The following SGMS1 variants were observed in gnomAD, a reference collection of about 807,000 sequenced individuals.
SGMS1 encodes phosphatidylcholine:ceramide cholinephosphotransferase 1.
Under a neutral mutation model 46.2 loss-of-function variants are expected in SGMS1, and 13 were observed. The observed-to-expected ratio is 0.28, with a 90% CI of 0.18 to 0.45. SGMS1 has a LOEUF of 0.45. SGMS1 is among the 20% of genes least tolerant of loss of function. The pLI is 1.00. For synonymous variants in SGMS1, 203 were observed against 187.8 expected (o/e 1.08, Z -0.66); for missense variants, 324 against 519.9 (o/e 0.62, Z 3.66).
chr10:50,533,351 C>T (rs1177628916), intron 2 of SGMS1, among the ~76,000 whole-genome samples: 2 of 152,046 alleles, frequency 1.3e-5, no homozygotes, highest in African/African-American at 4.8e-5. Flanking sequence ...ATTCAAAATA[C>T]TGTTAAGATG....
At chr10:50,352,976 C>A (rs1031555130) in intron 6 of SGMS1, among the ~76,000 whole-genome samples, 2 of 151,868 alleles carry the variant, frequency 1.3e-5, no homozygotes, top group Non-Finnish European at 2.9e-5. Flanking sequence ...AGTCCAGGAC[C>A]AGATGGATTC....
chr10:50,530,926 C>A (rs554139796), intron 2 of SGMS1, among the ~76,000 whole-genome samples: 10 of 152,158 alleles, frequency 6.6e-5, no homozygotes, highest in African/African-American at 2.2e-4. Context: ...GAAATAAACA[C>A]CTTTTTCTTA....
At chr10:50,498,492 T>C (rs1435593954) in intron 3 of SGMS1, among the ~76,000 whole-genome samples, 6 of 152,318 alleles carry the variant, frequency 3.9e-5, no homozygotes, top group African/African-American at 1.4e-4. Flanking sequence ...TCTCAGCCCC[T>C]GGAAACCACC....
intron 6 of SGMS1, among the ~76,000 whole-genome samples, chr10:50,405,123 T>C (rs1848994888): frequency 6.6e-6 from 1 of 152,164 alleles, no homozygotes. Flanking sequence ...TTCTAAACTA[T>C]TTGATATCAT....
intron 3 of SGMS1, among the ~76,000 whole-genome samples, chr10:50,483,387 T>C (rs1041378791): frequency 3.3e-5 from 5 of 152,178 alleles, no homozygotes; most frequent in African/African-American, 1.2e-4. Flanking sequence ...GCCAGATTCA[T>C]AAAACAAGTT....
chr10:50,362,825 T>A (rs2133419896), intron 6 of SGMS1, among the ~76,000 whole-genome samples: 1 of 152,196 alleles, frequency 6.6e-6, no homozygotes, highest in Admixed American at 6.5e-5. Context: ...GATAGATGTG[T>A]TTAAAGAAGG....
intron 2 of SGMS1, among the ~76,000 whole-genome samples, chr10:50,561,409 C>G (rs1042667270): frequency 6.6e-6 from 1 of 152,210 alleles, no homozygotes; most frequent in East Asian, 1.9e-4. Flanking sequence ...AGAGCTCAGT[C>G]TCTTAATTAA....
chr10:50,555,692 T>C (rs569271274), intron 2 of SGMS1, among the ~76,000 whole-genome samples: 211 of 152,308 alleles, frequency 1.4e-3, no homozygotes, highest in Non-Finnish European at 1.9e-3. Flanking sequence ...CTCCCAAATA[T>C]AGAAAAATCT....
At chr10:50,340,233 A>G (rs575585398) in intron 7 of SGMS1, among the ~76,000 whole-genome samples, 1 of 152,350 alleles carries the variant, frequency 6.6e-6, no homozygotes, top group East Asian at 1.9e-4. Context: ...GGTGTTCACC[A>G]TGTCCCAGTA....
intron 1 of SGMS1, among the ~76,000 whole-genome samples, chr10:50,608,034 C>T (rs1422626243): frequency 1.3e-5 from 2 of 152,206 alleles, no homozygotes; most frequent in African/African-American, 4.8e-5. Context: ...AATCAAGTCC[C>T]TGTACCACAA....
At chr10:50,623,492 G>T in intron 1 of SGMS1, 1 of 845,634 alleles carries the variant, frequency 1.2e-6, no homozygotes, top group Non-Finnish European at 1.4e-6. Context: ...GATCCCGGCC[G>T]CCGGACCTCC....
intron 6 of SGMS1, among the ~76,000 whole-genome samples, chr10:50,368,513 T>A (rs1215878104): frequency 6.6e-6 from 1 of 152,216 alleles, no homozygotes; most frequent in Non-Finnish European, 1.5e-5. Context: ...CCTGCCATCA[T>A]GCCCAGCTAA....
chr10:50,520,616 T>C (rs1179544580), intron 2 of SGMS1, among the ~76,000 whole-genome samples: 1 of 152,166 alleles, frequency 6.6e-6, no homozygotes, highest in Admixed American at 6.5e-5. Context: ...CTACCAACCC[T>C]TGCTCCAAAC....
chr10:50,624,576 G>A (rs1184185435), upstream of SGMS1: 9 of 984,850 alleles, frequency 9.1e-6, no homozygotes, highest in Non-Finnish European at 1.1e-5. Flanking sequence ...CTCCGACTGC[G>A]TCAGAGCCGC....
chr10:50,587,146 G>A (rs1838491572), intron 2 of SGMS1, among the ~76,000 whole-genome samples: 1 of 152,060 alleles, frequency 6.6e-6, no homozygotes, highest in Admixed American at 6.6e-5. Flanking sequence ...ATGGAGCAAG[G>A]GTACAGTTGA....
intron 3 of SGMS1, among the ~76,000 whole-genome samples, chr10:50,478,750 T>C (rs568397553): frequency 2.8e-4 from 42 of 152,346 alleles, no homozygotes; most frequent in African/African-American, 1.0e-3. Flanking sequence ...TTTATTTTTG[T>C]ATTTTACAAA....
At chr10:50,329,064 T>C (rs914238139) in intron 7 of SGMS1, among the ~76,000 whole-genome samples, 1 of 152,196 alleles carries the variant, frequency 6.6e-6, no homozygotes, top group African/African-American at 2.4e-5. Flanking sequence ...CTGAACTCTT[T>C]AGAGGAAGAA....
At chr10:50,449,608 G>C (rs1203384) in intron 5 of SGMS1, among the ~76,000 whole-genome samples, 130,289 of 152,078 alleles carry the variant, frequency 0.86, 56,046 homozygotes, top group East Asian at 1. Flanking sequence ...CTCAATGAGG[G>C]CTTCCTGGCT....
At chr10:50,581,649 TA>T (rs2131877511) in intron 2 of SGMS1, among the ~76,000 whole-genome samples, 1 of 152,318 alleles carries the variant, frequency 6.6e-6, no homozygotes, top group South Asian at 2.1e-4. Context: ...AAGAACCTAT[TA>T]TAATTCCCAC....
Sources: gnomAD v4.1 joint callset for allele counts (sites outside exome capture counted in the v4.1 genomes callset) on GRCh38, gnomAD v4.1.1 for gene constraint, MANE v1.5 for transcripts, NCBI Gene and HGNC (gene_info 2026-07-23, HGNC 2026-07-21) for gene names.